Variants in DCAF5 observed in about 807,000 individuals in gnomAD.
DCAF5 encodes the protein DDB1 and CUL4 associated factor 5.
A neutral mutation model predicts 80.7 loss-of-function variants in DCAF5; 9 were observed. That is an observed-to-expected ratio of 0.11 (90% CI 0.07 to 0.19). DCAF5 has a LOEUF of 0.19. DCAF5 is among the 10% of genes least tolerant of loss of function. DCAF5 has a pLI of 1.00. For synonymous variants in DCAF5, 433 were observed against 461.9 expected (o/e 0.94, Z 0.80); for missense variants, 842 against 1,205.7 (o/e 0.70, Z 4.47).
At chr14:69,125,518 T>C (rs969777821) in intron 1 of DCAF5, among the ~76,000 whole-genome samples, 9 of 152,240 alleles carry the variant, frequency 5.9e-5, no homozygotes, top group Admixed American at 5.2e-4. Context: ...AAACATATTA[T>C]AGAAGATCTC....
intron 6 of DCAF5, among the ~76,000 whole-genome samples, chr14:69,078,298 A>T (rs565095069): frequency 5.4e-4 from 82 of 152,354 alleles, no homozygotes; most frequent in Non-Finnish European, 6.6e-4. Flanking sequence ...GTTCAACATC[A>T]CTGATCATTA....
chr14:69,057,604 A>G (rs1260395789), intron 8 of DCAF5, among the ~76,000 whole-genome samples: 4 of 152,224 alleles, frequency 2.6e-5, no homozygotes, highest in Non-Finnish European at 2.9e-5. Flanking sequence ...AATGAAAGTC[A>G]TAACACTGAA....
Position 69,062,379 on chromosome 14 carries a change from C to T in DCAF5, c.1074+5G>A. The stretch of plus-strand genomic sequence containing the variant: ...CTAAAAGGACAGAAGGGGAAGGTGC[C>T]TCACCTTGATAATCTTTTCTACACC... On this transcript the variant is annotated splice_donor_5th_base_variant and intron_variant, in intron 8 of 8. Transcript: ENST00000341516. 6.2e-7 allele frequency: 1 copy of T among 1,612,596 alleles called. No homozygotes were observed. The highest frequency in any genetic ancestry group is 2.2e-5 in the East Asian group (1 of 44,864).
chr14:69,056,306 T>C (rs2037967859), intron 8 of DCAF5, among the ~76,000 whole-genome samples: 1 of 152,156 alleles, frequency 6.6e-6, no homozygotes, highest in Non-Finnish European at 1.5e-5. Context: ...CTGTTAGCTA[T>C]AGGAGTAGGT....
chr14:69,072,368 C>A, intron 7 of DCAF5, among the ~76,000 whole-genome samples: 1 of 151,414 alleles, frequency 6.6e-6, no homozygotes, highest in Admixed American at 6.6e-5. Flanking sequence ...AAAAGAAGTA[C>A]TTAATTACAA....
chr14:69,152,611 GT>G lies in DCAF5; in HGVS notation c.214+153del. 3.3e-6 allele frequency: 2 copies of G among 615,220 alleles called. No homozygotes were observed. The highest frequency in any genetic ancestry group is 2.0e-5 in the South Asian group (1 of 50,804). 38.1% of individuals were successfully genotyped at this position (615,220 alleles called of 1,614,324 possible). ...CTCTCCTTCCCCTCCCCCTGCAATG[GT>G]TTTAATTTGACACCAAACCTTCCCA... On this transcript the variant is annotated intron_variant, in intron 1 of 8. Transcript: ENST00000341516. The surrounding 1 kb of genome is among the most constrained non-coding windows in gnomAD (Gnocchi z 4.1).
chr14:69,081,720 G>A (rs149481805), intron 6 of DCAF5, among the ~76,000 whole-genome samples: 6 of 151,744 alleles, frequency 4.0e-5, no homozygotes, highest in African/African-American at 1.4e-4. Context: ...TGACCCAAAT[G>A]TCCTCTGTCA....
At chr14:69,074,238 A>AT (rs941014327) in intron 7 of DCAF5, among the ~76,000 whole-genome samples, 2 of 152,184 alleles carry the variant, frequency 1.3e-5, no homozygotes, top group African/African-American at 4.8e-5. Context: ...CCTAAAGGTC[A>AT]TTTTCCAGCT....
intron 4 of DCAF5, among the ~76,000 whole-genome samples, chr14:69,117,774 A>T (rs986219004): frequency 1.3e-5 from 2 of 152,194 alleles, no homozygotes; most frequent in African/African-American, 4.8e-5. Context: ...TTCTTTCAAC[A>T]AAATAACAAG....
chr14:69,116,439 C>T lies in DCAF5; in HGVS notation c.592G>A (p.Val198Met). Reference sequence around the variant, plus strand: ...GCTGTGGCCAACAACCTGGGCTCCACAGGGTTAAACATGACACTATGAAAG... The same window carrying T: ...GCTGTGGCCAACAACCTGGGCTCCATAGGGTTAAACATGACACTATGAAAG... ...SAFHSVMFNP[V>M]EPRLLATANS... is the part of the protein sequence containing the mutation. The change falls in exon 5 of 9, where the codon GTG becomes ATG. Residue 198 changes from valine (V) to methionine (M), a missense_variant. Transcript: ENST00000341516. 1 of 1,613,676 alleles carries T rather than the reference C, an allele frequency of 6.2e-7. No homozygotes were observed. Among genetic ancestry groups the T allele is most frequent in the Non-Finnish European group, 8.5e-7 (1 of 1,179,674 alleles).
intron 1 of DCAF5, among the ~76,000 whole-genome samples, chr14:69,131,800 A>G (rs2041046121): frequency 6.7e-6 from 1 of 149,678 alleles, no homozygotes; most frequent in South Asian, 2.1e-4. Flanking sequence ...TTTCAAGTAT[A>G]GAGTTTTGTG....
intron 6 of DCAF5, among the ~76,000 whole-genome samples, chr14:69,079,010 GCAC>G (rs1489566482): frequency 2.0e-5 from 3 of 152,092 alleles, no homozygotes; most frequent in Non-Finnish European, 4.4e-5. Flanking sequence ...CTACAGGCGG[GCAC>G]CACCATTTCC....
rs139729138 is a variant in DCAF5, at chr14:69,054,232, A to G, written c.2454T>C (p.Asp818=). 643 of 1,614,252 alleles carry G rather than the reference A, an allele frequency of 4.0e-4. 3 individuals are homozygous for G. The highest frequency in any genetic ancestry group is 2.9e-4 in the Non-Finnish European group (344 of 1,180,044). The part of the protein sequence containing the change: ...GSGNCPRTQS[D]DSEERSLETI... ...TTTCGAGGCTCCTCTCCTCACTGTCATCAGACTGGGTCCTGGGACAGTTGC... is the reference window on the plus strand; with the variant it reads ...TTTCGAGGCTCCTCTCCTCACTGTCGTCAGACTGGGTCCTGGGACAGTTGC... The change falls in exon 9 of 9, where the codon GAT becomes GAC. Residue 818 remains aspartate, a synonymous_variant. Transcript: ENST00000341516.
intron 1 of DCAF5, among the ~76,000 whole-genome samples, chr14:69,151,922 C>A (rs2041718297): frequency 1.3e-5 from 2 of 152,180 alleles, no homozygotes; most frequent in Admixed American, 1.3e-4. Context: ...GGCAACCAGG[C>A]CCGTCTGGGC....
At chr14:69,150,364 G>C (rs2041662433) in intron 1 of DCAF5, among the ~76,000 whole-genome samples, 1 of 152,180 alleles carries the variant, frequency 6.6e-6, no homozygotes, top group South Asian at 2.1e-4. Flanking sequence ...AGGTCTGCCA[G>C]AGCCTCCTCT....
At position 69,116,391 on chromosome 14, in the gene DCAF5, G is replaced by T. The variant is rs768144289; in HGVS notation, c.640C>A (p.Leu214Ile). The T allele has an allele frequency of 1.9e-6, 3 of 1,613,450 alleles. No homozygotes were observed. Among genetic ancestry groups the T allele is most frequent in the Non-Finnish European group, 2.5e-6 (3 of 1,179,534 alleles). Residue 214 changes from leucine (L) to isoleucine (I), a missense_variant, in exon 5 of 9, where the codon CTC becomes ATC. Leu to Ile is a conservative substitution (Grantham distance 5). Coordinates refer to ENST00000341516, the MANE Select transcript of DCAF5 (RefSeq NM_003861.3). ...CTCTGAGGTTTTCGAATGTCCCAGA[G>T]TCCCACTCCTTCCTTTGAATTGGCT... ...ATANSKEGVG[L>I]WDIRKPQSSL... is the part of the protein sequence containing the mutation.
chr14:69,090,855 T>C (rs1349821527), intron 6 of DCAF5: 10 of 498,796 alleles, frequency 2.0e-5, no homozygotes, highest in African/African-American at 1.9e-4. Context: ...TTTCCCAATC[T>C]ATATGTGAAA....
intron 1 of DCAF5, among the ~76,000 whole-genome samples, chr14:69,133,673 T>C (rs1483474553): frequency 1.3e-5 from 2 of 152,180 alleles, no homozygotes; most frequent in Non-Finnish European, 2.9e-5. Flanking sequence ...ACACCCTGTT[T>C]TTACCTAGTA....
At chr14:69,091,091 A>C in intron 6 of DCAF5, 4 of 757,434 alleles carry the variant, frequency 5.3e-6, no homozygotes, top group Non-Finnish European at 9.7e-6. Context: ...CAGCATCTCC[A>C]TTCCTGGTGA....
Sources: allele counts gnomAD v4.1 joint callset (sites outside exome capture counted in the v4.1 genomes callset), GRCh38; gene constraint gnomAD v4.1.1; non-coding constraint Gnocchi (gnomAD v3.1); transcripts MANE v1.5; gene names NCBI Gene and HGNC (gene_info 2026-07-23, HGNC 2026-07-21).